GRID2: variants seen among roughly 807,000 people sequenced by gnomAD.
The protein encoded by GRID2 is glutamate ionotropic receptor delta type subunit 2.
GRID2 carries 33 observed loss-of-function variants against 114.8 expected under a neutral mutation model. That is an observed-to-expected ratio of 0.29 (90% confidence interval 0.22 to 0.38). The LOEUF (loss-of-function observed/expected upper bound fraction) is 0.38. Among genes scored for constraint, GRID2 ranks in the 10% least tolerant of loss-of-function variants. GRID2 has a pLI of 1.00. For missense variants in GRID2, 1,184 were observed against 1,257.7 expected, an observed-to-expected ratio of 0.94 and a Z score of 0.89; for synonymous variants, 505 against 449.9, an observed-to-expected ratio of 1.12 and a Z score of -1.55.
At chr4:92,606,716 A>G (rs1729470647) in intron 2 of GRID2, among the ~76,000 whole-genome samples, 1 of 151,900 alleles carries the variant, frequency 6.6e-6, no homozygotes, top group African/African-American at 2.4e-5. Context: ...AATTTAACCC[A>G]TTGAAAAAGA....
At chr4:93,230,723 C>T (rs1213191583) in intron 7 of GRID2, among the ~76,000 whole-genome samples, 1 of 145,784 alleles carries the variant, frequency 6.9e-6, no homozygotes, top group African/African-American at 2.8e-5. Flanking sequence ...TTTTCTTGTT[C>T]ATGGCAATCA....
At chr4:93,590,101 T>C (rs1398234710) in intron 13 of GRID2, among the ~76,000 whole-genome samples, 1 of 150,222 alleles carries the variant, frequency 6.7e-6, no homozygotes, top group African/African-American at 2.4e-5. Context: ...TCATTGCTTT[T>C]GGTGTTTTAG....
Position 92,692,058 on chromosome 4 carries a change from A to T in GRID2, c.244+101772A>T, listed in dbSNP as rs180794660. On this transcript the variant is annotated intron_variant, in intron 2 of 15. Coordinates refer to ENST00000282020, the MANE Select transcript of GRID2 (RefSeq NM_001510.4). ...ACCCAAAATTTCTTTTAACTTGTAA[A>T]TACTGGTTACTATTCCAATTTTAAT... 3.3e-3 allele frequency among the ~76,000 whole-genome samples: 495 copies of T among 152,270 alleles called. 1 individual carries two copies. The highest frequency in any genetic ancestry group is 5.2e-3 in the Non-Finnish European group (351 of 68,016).
At chr4:93,032,493 CTGAATTA>C (rs1185415232) in intron 2 of GRID2, among the ~76,000 whole-genome samples, 48 of 152,194 alleles carry the variant, frequency 3.2e-4, no homozygotes, top group Admixed American at 8.5e-4. Context: ...ACACATTTTT[CTGAATTA>C]ACAGTCTCTT....
chr4:92,948,243 C>T (rs755551489), intron 2 of GRID2, among the ~76,000 whole-genome samples: 4 of 151,680 alleles, frequency 2.6e-5, no homozygotes, highest in East Asian at 1.9e-4. Context: ...TAGTTTTAAT[C>T]GGCATTTTTG....
At chr4:92,405,339 AT>A (rs1166378820) in intron 1 of GRID2, among the ~76,000 whole-genome samples, 1 of 152,186 alleles carries the variant, frequency 6.6e-6, no homozygotes, top group Non-Finnish European at 1.5e-5. Flanking sequence ...TGTTAGTTAT[AT>A]TTATTCATAA....
intron 14 of GRID2, among the ~76,000 whole-genome samples, chr4:93,685,419 C>A (rs1223595297): frequency 6.6e-6 from 1 of 152,094 alleles, no homozygotes; most frequent in African/African-American, 2.4e-5. Context: ...GAGCCAGGTT[C>A]ATTGCCAACT....
chr4:93,703,890 T>C (rs147620289), intron 14 of GRID2, among the ~76,000 whole-genome samples: 2,926 of 152,246 alleles, frequency 0.019, 51 homozygotes, highest in South Asian at 0.03. Context: ...TAATCCAGTC[T>C]ATCATTGTTG....
intron 4 of GRID2, among the ~76,000 whole-genome samples, chr4:93,127,086 T>A (rs1217874623): frequency 6.6e-6 from 1 of 152,218 alleles, no homozygotes; most frequent in East Asian, 1.9e-4. Context: ...TAGAACAGTA[T>A]CTTAATTTCA....
At chr4:93,768,244 C>T (rs951350189) in intron 14 of GRID2, among the ~76,000 whole-genome samples, 5 of 152,314 alleles carry the variant, frequency 3.3e-5, no homozygotes, top group Admixed American at 2.6e-4. Context: ...AGCTGTTTGG[C>T]CAGGAAATTC....
intron 2 of GRID2, among the ~76,000 whole-genome samples, chr4:92,860,490 T>C (rs1244378317): frequency 2.0e-5 from 3 of 152,130 alleles, no homozygotes; most frequent in Non-Finnish European, 4.4e-5. Flanking sequence ...ATAGATTTGA[T>C]GGCATTTCAA....
chr4:93,307,554 C>T (rs1024811546), intron 8 of GRID2, among the ~76,000 whole-genome samples: 1 of 152,112 alleles, frequency 6.6e-6, no homozygotes, highest in Non-Finnish European at 1.5e-5. Flanking sequence ...CCAGACTCCT[C>T]CATGCAGGGA....
chr4:93,254,459 C>T (rs1749342709), intron 8 of GRID2, among the ~76,000 whole-genome samples: 2 of 152,090 alleles, frequency 1.3e-5, no homozygotes, highest in African/African-American at 2.4e-5. Flanking sequence ...AAAACTTTTC[C>T]AAGCAATTCT....
intron 1 of GRID2, among the ~76,000 whole-genome samples, chr4:92,443,519 A>T (rs1733243908): frequency 6.6e-6 from 1 of 152,078 alleles, no homozygotes; most frequent in African/African-American, 2.4e-5. Flanking sequence ...ACCTTCCAGA[A>T]AAGTGGGAAA....
chr4:93,570,560 T>C (rs2149578683), intron 13 of GRID2, among the ~76,000 whole-genome samples: 1 of 152,268 alleles, frequency 6.6e-6, no homozygotes, highest in East Asian at 1.9e-4. Context: ...CTGCTATGGG[T>C]AATGAGATAA....
At chr4:92,601,705 C>G (rs1287270352) in intron 2 of GRID2, among the ~76,000 whole-genome samples, 1 of 151,810 alleles carries the variant, frequency 6.6e-6, no homozygotes, top group East Asian at 1.9e-4. Flanking sequence ...GAGGGAGAGA[C>G]ATGAAAAACA....
intron 1 of GRID2, among the ~76,000 whole-genome samples, chr4:92,583,227 G>T (rs2149204469): frequency 6.6e-6 from 1 of 152,052 alleles, no homozygotes; most frequent in Non-Finnish European, 1.5e-5. Flanking sequence ...ATGTCTATGA[G>T]CCACTTAGTA....
At chr4:93,528,114 T>A (rs963201792) in intron 13 of GRID2, among the ~76,000 whole-genome samples, 1 of 152,110 alleles carries the variant, frequency 6.6e-6, no homozygotes, top group African/African-American at 2.4e-5. Flanking sequence ...TATGTGTATA[T>A]ATGTGTGTGT....
At chr4:93,760,514 A>G (rs750202714) in intron 14 of GRID2, among the ~76,000 whole-genome samples, 1 of 152,232 alleles carries the variant, frequency 6.6e-6, no homozygotes, top group Non-Finnish European at 1.5e-5. Flanking sequence ...GCCTTCAGCA[A>G]TAACTGAGTT....
Sources: allele counts gnomAD v4.1 joint callset (sites outside exome capture counted in the v4.1 genomes callset), GRCh38; gene constraint gnomAD v4.1.1; transcripts MANE v1.5; gene names NCBI Gene and HGNC (gene_info 2026-07-23, HGNC 2026-07-21).